KLF17: variants seen among roughly 807,000 people sequenced by gnomAD.
The protein encoded by KLF17 is KLF transcription factor 17, also known as Krueppel-like factor 17.
KLF17 carries 31 observed loss-of-function variants against 34.2 expected under a neutral mutation model. The observed-to-expected ratio is 0.91, with a 90% confidence interval of 0.68 to 1.22. The LOEUF (loss-of-function observed/expected upper bound fraction) is 1.22, where lower values mean the gene tolerates loss of function less well. KLF17 is among the 50% of genes most tolerant of loss of function. The probability of loss-of-function intolerance (pLI) is 0.00; values close to 1 mark genes in which losing one functional copy is unlikely to be tolerated. For synonymous variants in KLF17, 179 were observed against 186.7 expected (o/e 0.96, Z 0.34); for missense variants, 478 against 505.2 (o/e 0.95, Z 0.52).
At chr1:44,088,464 A>T in the KLF17 span, 1 of 152,330 alleles carries the variant, frequency 6.6e-6, no homozygotes, top group Non-Finnish European at 1.5e-5. Flanking sequence ...AAGGAGGCAG[A>T]TGCAGGCCGG....
intron 1 of KLF17, chr1:44,122,602 G>T (rs1053527720): frequency 1.6e-4 from 97 of 611,174 alleles, no homozygotes; most frequent in Admixed American, 1.0e-3. Context: ...GCCGTTTTTG[G>T]TTTTTTTTTT....
intron 1 of KLF17, chr1:44,122,441 C>T (rs1409569913): frequency 1.1e-5 from 15 of 1,354,074 alleles, no homozygotes; most frequent in Non-Finnish European, 1.6e-5. Context: ...TTCCATGGAC[C>T]TGTGTTCTGT....
the KLF17 span, among the ~76,000 whole-genome samples, chr1:44,081,893 G>A: frequency 2.6e-5 from 4 of 152,092 alleles, no homozygotes; most frequent in Non-Finnish European, 5.9e-5. Context: ...TTCAAAATAT[G>A]TAGTGAGCCA....
At chr1:44,103,299 T>C in the KLF17 span, 4 of 721,376 alleles carry the variant, frequency 5.5e-6, no homozygotes, top group Non-Finnish European at 1.0e-5. Flanking sequence ...GGGGCTGCCC[T>C]GGCTGTTCAC....
upstream of KLF17, chr1:44,117,470 T>TTTTATTTTA (rs2087892482): frequency 2.3e-5 from 3 of 129,724 alleles, no homozygotes; most frequent in African/African-American, 6.3e-5. Flanking sequence ...ATTTTATTTA[T>TTTTATTTTA]TTTATTTTAT....
chr1:44,088,107 T>TTATTTATTTATTTATTTATTTA, the KLF17 span: 2 of 182,524 alleles, frequency 1.1e-5, no homozygotes, highest in Non-Finnish European at 2.3e-5. Context: ...GCACTCTTAT[T>TTATTTATTTATTTATTTATTTA]TTTATTTATT....
In KLF17 at chr1:44,134,538, A is replaced by G. The variant is rs1328595572; in HGVS notation, c.*1301A>G. 1 of 152,178 alleles carries G rather than the reference A, an allele frequency of 6.6e-6. No individual in the cohort carries two copies. Among genetic ancestry groups the G allele is most frequent in the Non-Finnish European group, 1.5e-5 (1 of 68,054 alleles). The allele number at this position is 152,178 out of a possible 1,614,324, so 9.4% of individuals were successfully genotyped here. ...CGAGACTCTATCTCAAAACAATCAA[A>G]ACAAAAAAGACCTGTGGACTCTAGT... On this transcript the variant is annotated 3_prime_UTR_variant, in exon 4 of 4. Transcript: ENST00000372299.
chr1:44,122,048 TTTTTTTGTCCCACTTTTATG>T, intron 1 of KLF17: 1 of 749,558 alleles, frequency 1.3e-6, no homozygotes, highest in Non-Finnish European at 2.3e-6. Context: ...CCTTTTTTCA[TTTTTTTGTCCCACTTTTATG>T]TTTATTAAAA....
the KLF17 span, among the ~76,000 whole-genome samples, chr1:44,077,753 C>T: frequency 4.6e-5 from 7 of 152,202 alleles, no homozygotes; most frequent in African/African-American, 1.7e-4. Context: ...TACATGTCAG[C>T]TCAGGGCTTC....
intron 1 of KLF17, chr1:44,122,019 C>G (rs1471825382): frequency 1.0e-5 from 7 of 667,794 alleles, no homozygotes; most frequent in African/African-American, 1.8e-5. Flanking sequence ...AATAAATTTC[C>G]TTTTCCTTTA....
the KLF17 span, among the ~76,000 whole-genome samples, chr1:44,083,033 G>T: frequency 6.7e-6 from 1 of 148,684 alleles, no homozygotes; most frequent in Non-Finnish European, 1.5e-5. Flanking sequence ...CTTCAAACTC[G>T]TGAGCTCAAA....
chr1:44,084,334 T>C, the KLF17 span, among the ~76,000 whole-genome samples: 1 of 151,952 alleles, frequency 6.6e-6, no homozygotes, highest in Non-Finnish European at 1.5e-5. Context: ...AAACTAAGGG[T>C]TATGATCACT....
chr1:44,109,381 C>A, the KLF17 span, among the ~76,000 whole-genome samples: 11 of 152,144 alleles, frequency 7.2e-5, no homozygotes, highest in African/African-American at 2.2e-4. Context: ...AAAACAAAAA[C>A]CTTTTTCATA....
the KLF17 span, among the ~76,000 whole-genome samples, chr1:44,067,329 T>C: frequency 2.0e-5 from 3 of 152,156 alleles, no homozygotes; most frequent in Admixed American, 6.5e-5. Context: ...CACAAGGTAT[T>C]AGGTACTAGA....
chr1:44,087,970 G>A, the KLF17 span: 1 of 213,686 alleles, frequency 4.7e-6, no homozygotes, highest in Non-Finnish European at 1.0e-5. Flanking sequence ...ATGATGAAGA[G>A]GATGAGGAAG....
chr1:44,105,325 G>A, the KLF17 span: 15,357 of 151,674 alleles, frequency 0.1, 842 homozygotes, highest in African/African-American at 0.14. Flanking sequence ...GTGGTGGAAT[G>A]TTTTAAAAAC....
chr1:44,087,769 TAC>T, the KLF17 span, among the ~76,000 whole-genome samples: 2,147 of 51,650 alleles, frequency 0.042, 82 homozygotes, highest in Non-Finnish European at 0.048. Flanking sequence ...TATATATATA[TAC>T]ACACACACAC....
the KLF17 span, among the ~76,000 whole-genome samples, chr1:44,079,307 C>CTTTTTTTTT: frequency 3.5e-5 from 5 of 140,866 alleles, no homozygotes; most frequent in African/African-American, 1.3e-4. Flanking sequence ...TTTTCTTCTC[C>CTTTTTTTTT]TTTTTTTTTT....
At chr1:44,119,108 G>A (rs1235953242) in intron 1 of KLF17, 120 bp downstream of exon 1, 4 of 618,884 alleles carry the variant, frequency 6.5e-6, no homozygotes, top group Non-Finnish European at 1.0e-5. Flanking sequence ...GTAGAAATCC[G>A]AGGGGAGGGG....
Sources: allele counts gnomAD v4.1 joint callset (sites outside exome capture counted in the v4.1 genomes callset), GRCh38; gene constraint gnomAD v4.1.1; transcripts MANE v1.5; gene names NCBI Gene and HGNC (gene_info 2026-07-23, HGNC 2026-07-21).